Variants in CLEC16A observed in about 807,000 individuals in gnomAD.
The protein encoded by CLEC16A is C-type lectin domain containing 16A.
In CLEC16A, 51 loss-of-function variants were observed where a neutral mutation model predicts 109.5. The observed-to-expected ratio is 0.47, with a 90% CI of 0.37 to 0.59. The LOEUF is 0.59. Ranked by LOEUF, CLEC16A falls within the 20% of genes least tolerant of loss-of-function variation. The pLI, the probability that CLEC16A is intolerant of heterozygous loss-of-function variation, is 0.00. For missense variants in CLEC16A, 1,339 were observed against 1,394.0 expected (o/e 0.96, Z 0.63); for synonymous variants, 673 against 564.2 (o/e 1.19, Z -2.73).
intron 19 of CLEC16A, among the ~76,000 whole-genome samples, chr16:11,116,930 C>T (rs2052035083): frequency 6.6e-6 from 1 of 152,104 alleles, no homozygotes; most frequent in Non-Finnish European, 1.5e-5. Context: ...TGGAGTCAAC[C>T]CAGGTGCCCA....
intron 7 of CLEC16A, among the ~76,000 whole-genome samples, chr16:10,976,680 A>G (rs1353484204): frequency 3.9e-5 from 6 of 152,146 alleles, no homozygotes; most frequent in Non-Finnish European, 8.8e-5. Context: ...GACTGACTCC[A>G]CCCAAGAGAC....
chr16:11,028,639 C>G (rs143864085), intron 13 of CLEC16A, among the ~76,000 whole-genome samples: 1 of 150,826 alleles, frequency 6.6e-6, no homozygotes, highest in East Asian at 1.9e-4. Context: ...TTTTTTTAAA[C>G]TAACGTACCA....
intron 10 of CLEC16A, among the ~76,000 whole-genome samples, chr16:10,997,684 G>GCT (rs2044412355): frequency 1.3e-5 from 2 of 152,208 alleles, no homozygotes; most frequent in African/African-American, 4.8e-5. Context: ...TGTAGACGCA[G>GCT]GTAGAGCAGA....
intron 19 of CLEC16A, among the ~76,000 whole-genome samples, chr16:11,098,799 T>C (rs1046197813): frequency 2.0e-5 from 3 of 152,216 alleles, no homozygotes; most frequent in Admixed American, 6.5e-5. Flanking sequence ...TTTCAACTCC[T>C]TCGTTCAAGA....
intron 22 of CLEC16A, among the ~76,000 whole-genome samples, chr16:11,156,917 G>GCAC (rs2054549106): frequency 1.3e-5 from 1 of 77,306 alleles, no homozygotes; most frequent in Admixed American, 1.5e-4. Context: ...CCAAATGCCC[G>GCAC]CCCCCCCCCC....
At chr16:11,034,036 A>G (rs1439783299) in intron 13 of CLEC16A, among the ~76,000 whole-genome samples, 1 of 152,200 alleles carries the variant, frequency 6.6e-6, no homozygotes, top group East Asian at 1.9e-4. Context: ...TTACCCAGGA[A>G]GAAGGAGTCT....
chr16:11,149,920 C>G (rs779906188), intron 22 of CLEC16A: 1 of 152,130 alleles, frequency 6.6e-6, no homozygotes, highest in Non-Finnish European at 1.5e-5. Flanking sequence ...CATACATGTG[C>G]CAGAGCTGAT....
At chr16:10,982,842 C>G (rs1242926970) in intron 9 of CLEC16A, 36 bp from the exon 10 acceptor site, 10 of 1,276,464 alleles carry the variant, frequency 7.8e-6, no homozygotes, top group East Asian at 2.3e-5. Flanking sequence ...ATACCGCACA[C>G]TTTCATGCAA....
At chr16:11,148,842 ATG>A (rs1239411320) in intron 22 of CLEC16A, among the ~76,000 whole-genome samples, 2 of 152,182 alleles carry the variant, frequency 1.3e-5, no homozygotes. Context: ...GTGACAGGTG[ATG>A]TGCGCTTCAG....
intron 19 of CLEC16A, among the ~76,000 whole-genome samples, chr16:11,111,135 GT>G (rs2051558007): frequency 6.6e-6 from 1 of 152,080 alleles, no homozygotes; most frequent in Non-Finnish European, 1.5e-5. Context: ...AATTTTAGAT[GT>G]GCCTGGATGT....
chr16:10,985,970 T>C (rs1411534466), intron 10 of CLEC16A, among the ~76,000 whole-genome samples: 1 of 148,218 alleles, frequency 6.7e-6, no homozygotes, highest in Non-Finnish European at 1.5e-5. Context: ...CCTCCCAAAG[T>C]GTTGGGATTA....
chr16:11,012,375 C>A (rs1386092688), intron 11 of CLEC16A, among the ~76,000 whole-genome samples: 1 of 152,066 alleles, frequency 6.6e-6, no homozygotes, highest in African/African-American at 2.4e-5. Context: ...GTGGGCGGAT[C>A]ATGAGGTCAG....
chr16:11,167,761 G>C (rs546795636), intron 23 of CLEC16A, among the ~76,000 whole-genome samples: 1 of 152,162 alleles, frequency 6.6e-6, no homozygotes, highest in South Asian at 2.1e-4. Flanking sequence ...CTGCTCCAGG[G>C]CATGACCACC....
intron 11 of CLEC16A, among the ~76,000 whole-genome samples, chr16:11,018,842 G>T (rs1015399890): frequency 5.9e-5 from 9 of 152,104 alleles, no homozygotes; most frequent in African/African-American, 1.9e-4. Context: ...GCCAGGCAGG[G>T]ATGGCCAGGA....
chr16:11,133,197 A>G (rs1025509688), intron 22 of CLEC16A, among the ~76,000 whole-genome samples: 2 of 152,104 alleles, frequency 1.3e-5, no homozygotes, highest in Admixed American at 6.5e-5. Context: ...AAATTATCCC[A>G]GTGTGGTGGC....
intron 19 of CLEC16A, among the ~76,000 whole-genome samples, chr16:11,074,859 GC>G (rs1472990877): frequency 2.0e-5 from 3 of 152,102 alleles, no homozygotes; most frequent in Non-Finnish European, 4.4e-5. Context: ...GACTGTTTGA[GC>G]TTTTTTTGCC....
Position 11,055,732 on chromosome 16 carries a change from G to A in CLEC16A, c.1995+4091G>A, listed in dbSNP as rs540898922. Among the ~76,000 whole-genome samples the A allele has an allele frequency of 1.9e-3, 289 of 151,280 alleles. 3 individuals carry two copies. The highest frequency in any genetic ancestry group is 6.7e-3 in the African/African-American group (277 of 41,212). On this transcript the variant is annotated intron_variant, in intron 18 of 23. Transcript: ENST00000409790. ...CCTCTACAGTAGCATGAGCCACCAC[G>A]TCCAGCTGATTTTTTAATTTTTTTT...
At chr16:11,009,334 C>T (rs2045254810) in intron 11 of CLEC16A, among the ~76,000 whole-genome samples, 1 of 152,176 alleles carries the variant, frequency 6.6e-6, no homozygotes, top group Non-Finnish European at 1.5e-5. Context: ...TCTTTATCCA[C>T]TCCTCTGTTG....
chr16:10,958,466 C>T (rs1319303281), intron 2 of CLEC16A, among the ~76,000 whole-genome samples: 2 of 152,216 alleles, frequency 1.3e-5, no homozygotes, highest in Non-Finnish European at 2.9e-5. Flanking sequence ...CCTAGGTGAG[C>T]AGTCCTCAGC....
Sources: gnomAD v4.1 joint callset for allele counts (sites outside exome capture counted in the v4.1 genomes callset) on GRCh38, gnomAD v4.1.1 for gene constraint, MANE v1.5 for transcripts, NCBI Gene and HGNC (gene_info 2026-07-23, HGNC 2026-07-21) for gene names.